Variants in HPSE2 observed in about 807,000 individuals in gnomAD.
HPSE2 encodes heparanase 2 (inactive).
In HPSE2, 38 loss-of-function variants were observed where a neutral mutation model predicts 60.5. That is an observed-to-expected ratio of 0.63 (90% CI 0.48 to 0.82). The LOEUF is 0.82. Ranked by LOEUF, HPSE2 falls within the 40% of genes least tolerant of loss-of-function variation. The probability of loss-of-function intolerance (pLI) is 0.00; values close to 1 mark genes in which losing one functional copy is unlikely to be tolerated. For synonymous variants in HPSE2, 295 were observed against 293.2 expected (o/e 1.01, Z -0.06); for missense variants, 713 against 740.4 (o/e 0.96, Z 0.43).
At chr10:98,477,346 G>C (rs1403161077) in intron 11 of HPSE2, among the ~76,000 whole-genome samples, 1 of 152,212 alleles carries the variant, frequency 6.6e-6, no homozygotes, top group Non-Finnish European at 1.5e-5. Flanking sequence ...TTTTCTGAGA[G>C]GGCTTTAAAT....
chr10:99,032,474 C>T (rs998153046), intron 3 of HPSE2, among the ~76,000 whole-genome samples: 51 of 152,182 alleles, frequency 3.4e-4, no homozygotes, highest in African/African-American at 1.2e-3. Context: ...TGCCCCATCC[C>T]TTTCAAACCC....
chr10:98,926,209 G>A (rs1376888594), intron 3 of HPSE2, among the ~76,000 whole-genome samples: 7 of 152,110 alleles, frequency 4.6e-5, no homozygotes, highest in South Asian at 2.1e-4. Context: ...CCACAAATGC[G>A]TGCTATTGGA....
intron 11 of HPSE2, chr10:98,461,830 C>A: frequency 1.9e-6 from 3 of 1,585,482 alleles, no homozygotes; most frequent in Admixed American, 1.8e-5. Flanking sequence ...CTGGGGAGTG[C>A]AAAACAACGT....
chr10:98,887,359 G>A (rs1318057296), intron 3 of HPSE2, among the ~76,000 whole-genome samples: 1 of 152,092 alleles, frequency 6.6e-6, no homozygotes, highest in African/African-American at 2.4e-5. Flanking sequence ...TGATGAAGAG[G>A]TCTAAGACAT....
chr10:98,481,650 T>C (rs1941240318), intron 11 of HPSE2, among the ~76,000 whole-genome samples: 1 of 152,200 alleles, frequency 6.6e-6, no homozygotes, highest in Admixed American at 6.5e-5. Context: ...CCCAGATTGT[T>C]TTTTGCTCCC....
At chr10:99,298,607 T>C in the HPSE2 span, among the ~76,000 whole-genome samples, 1 of 152,180 alleles carries the variant, frequency 6.6e-6, no homozygotes, top group Non-Finnish European at 1.5e-5. Flanking sequence ...ATAATGATAC[T>C]GTACAATTAG....
chr10:98,824,158 C>T (rs2801405), intron 3 of HPSE2, among the ~76,000 whole-genome samples: 121,895 of 152,138 alleles, frequency 0.8, 49,163 homozygotes, highest in Non-Finnish European at 0.83. Flanking sequence ...TATGATTCCA[C>T]ATATACAAAG....
At chr10:99,277,815 C>G in the HPSE2 span, among the ~76,000 whole-genome samples, 10 of 151,898 alleles carry the variant, frequency 6.6e-5, no homozygotes, top group African/African-American at 2.4e-4. Flanking sequence ...AACTGATATG[C>G]GGCCGGGCAT....
intron 9 of HPSE2, among the ~76,000 whole-genome samples, chr10:98,598,622 G>A (rs1484404016): frequency 6.6e-6 from 1 of 151,982 alleles, no homozygotes; most frequent in Non-Finnish European, 1.5e-5. Flanking sequence ...TCTGTGTCCT[G>A]GTCCACAGCA....
At chr10:99,192,084 T>C (rs1283676491) in intron 2 of HPSE2, among the ~76,000 whole-genome samples, 1 of 152,096 alleles carries the variant, frequency 6.6e-6, no homozygotes, top group African/African-American at 2.4e-5. Flanking sequence ...TTTTTTAAAA[T>C]GAAACATACC....
chr10:99,302,872 G>A, the HPSE2 span, among the ~76,000 whole-genome samples: 1 of 150,708 alleles, frequency 6.6e-6, no homozygotes, highest in African/African-American at 2.4e-5. Flanking sequence ...ACATACCCTG[G>A]GGAGGACTGG....
At chr10:99,305,481 A>C in the HPSE2 span, among the ~76,000 whole-genome samples, 1 of 152,208 alleles carries the variant, frequency 6.6e-6, no homozygotes, top group Non-Finnish European at 1.5e-5. Flanking sequence ...CTATTTTCTT[A>C]GACTAGGAAA....
chr10:98,591,995 T>C (rs1348192438), intron 9 of HPSE2, among the ~76,000 whole-genome samples: 2 of 152,210 alleles, frequency 1.3e-5, no homozygotes, highest in African/African-American at 4.8e-5. Flanking sequence ...GGATGGCTCA[T>C]GATGCATTTA....
intron 3 of HPSE2, among the ~76,000 whole-genome samples, chr10:98,909,559 GGTGGAGGTTGCA>G (rs1953922641): frequency 6.6e-6 from 1 of 151,632 alleles, no homozygotes; most frequent in Non-Finnish European, 1.5e-5. Context: ...GAACTCAGGA[GGTGGAGGTTGCA>G]GTGAGCCGAG....
intron 9 of HPSE2, among the ~76,000 whole-genome samples, chr10:98,600,879 A>ATGTGTGTGTG (rs1565002724): frequency 7.2e-6 from 1 of 139,440 alleles, no homozygotes; most frequent in East Asian, 2.1e-4. Context: ...ATATATGTAT[A>ATGTGTGTGTG]TATACATATA....
intron 3 of HPSE2, among the ~76,000 whole-genome samples, chr10:99,110,394 T>C (rs1213699678): frequency 6.6e-6 from 1 of 152,188 alleles, no homozygotes; most frequent in African/African-American, 2.4e-5. Context: ...TATGTCCTAC[T>C]TGCCCTATGA....
At chr10:98,615,079 T>C (rs1945869533) in intron 8 of HPSE2, 61 bp from the exon 9 acceptor site, 2 of 1,207,010 alleles carry the variant, frequency 1.7e-6, no homozygotes, top group African/African-American at 3.0e-5. Context: ...TAACAAGCTC[T>C]ATAGAGACTG....
intron 3 of HPSE2, among the ~76,000 whole-genome samples, chr10:98,939,882 C>T (rs2135146282): frequency 6.9e-6 from 1 of 143,950 alleles, no homozygotes; most frequent in East Asian, 2.0e-4. Context: ...AACAAACTGT[C>T]TCTCAGACCA....
At chr10:98,998,371 A>C (rs558625293) in intron 3 of HPSE2, among the ~76,000 whole-genome samples, 2 of 152,272 alleles carry the variant, frequency 1.3e-5, no homozygotes, top group South Asian at 4.1e-4. Flanking sequence ...TTCCTGATGA[A>C]AGCTCAACTA....
Sources: gnomAD v4.1 joint callset for allele counts (sites outside exome capture counted in the v4.1 genomes callset) on GRCh38, gnomAD v4.1.1 for gene constraint, MANE v1.5 for transcripts, NCBI Gene and HGNC (gene_info 2026-07-23, HGNC 2026-07-21) for gene names.